Variants in FHL1 observed in about 807,000 individuals in gnomAD.
FHL1 encodes the protein four and a half LIM domains 1.
In FHL1, 1 loss-of-function variant was observed where a neutral mutation model predicts 20.3. The observed-to-expected ratio is 0.05, with a 90% CI of 0.02 to 0.23. The LOEUF (loss-of-function observed/expected upper bound fraction) is 0.23. Ranked by LOEUF, FHL1 falls within the 10% of genes least tolerant of loss-of-function variation. The pLI is 1.00. For missense variants in FHL1, 177 were observed against 234.0 expected (o/e 0.76, Z 1.59); for synonymous variants, 82 against 88.9 (o/e 0.92, Z 0.44).
intron 1 of FHL1, among the ~76,000 whole-genome samples, chrX:136,202,194 G>A (rs1052467331): frequency 2.7e-5 from 3 of 110,344 alleles, no homozygotes; most frequent in Non-Finnish European, 5.7e-5. Flanking sequence ...GCGAAACCCC[G>A]TCTCTACTAA....
chrX:136,152,677 G>A (rs750569137), intron 1 of FHL1, among the ~76,000 whole-genome samples: 5 of 89,931 alleles, frequency 5.6e-5, no homozygotes, highest in Non-Finnish European at 8.3e-5. Flanking sequence ...CCGAGATAGC[G>A]CCACTGTATT....
intron 1 of FHL1, among the ~76,000 whole-genome samples, chrX:136,148,974 C>G (rs891130283): frequency 4.5e-5 from 5 of 112,299 alleles, no homozygotes; most frequent in Non-Finnish European, 9.4e-5. Flanking sequence ...TCGGGATTAT[C>G]CGAGCCCCCT....
Position 136,152,180 on chromosome X carries a change from C to T in FHL1, c.-101+4552C>T, listed in dbSNP as rs756464648. Among the ~76,000 whole-genome samples the T allele has an allele frequency of 5.4e-5, 6 of 111,813 alleles. No homozygotes were observed. In the East Asian group the frequency reaches 1.1e-3, roughly 21 times the overall value. On this transcript the variant is annotated intron_variant, in intron 1 of 7. Coordinates refer to the FHL1 transcript ENST00000394155. ...ACACCTACTAAAATTTCAGGAAGCA[C>T]GCAAATTAAATATATACTCATTGTC... is the stretch of plus-strand genomic sequence containing the variant.
chrX:136,193,414 T>G (rs920048246), upstream of FHL1, among the ~76,000 whole-genome samples: 1 of 112,007 alleles, frequency 8.9e-6, no homozygotes, highest in Non-Finnish European at 1.9e-5. Flanking sequence ...TAGGATTAGA[T>G]TGCAGTGTGA....
rs756168013 is a variant in FHL1 at position 136,210,664 on chromosome X, G to A, written c.*639G>A. 1.0e-4 allele frequency: 39 copies of A among 388,593 alleles called. No individual in the cohort carries two copies. Among genetic ancestry groups the A allele is most frequent in the Non-Finnish European group, 1.3e-4 (27 of 206,879 alleles). 32.0% of individuals were successfully genotyped at this position (388,593 alleles called of 1,213,427 possible). ...TTTCCCCGTGTGGCATGTTTTCTGA[G>A]CGTTCCTACTTTAAAGCATGGAACA... On this transcript the variant is annotated 3_prime_UTR_variant, in exon 6 of 6. Transcript: ENST00000370683.
At chrX:136,196,363 A>G (rs991510469), upstream of FHL1, among the ~76,000 whole-genome samples, 1 of 111,894 alleles carries the variant, frequency 8.9e-6, no homozygotes, top group African/African-American at 3.3e-5. Flanking sequence ...ATTTTCATTC[A>G]TGTTTTTCCT....
intron 3 of FHL1, 158 bp downstream of exon 3, chrX:136,207,348 CAT>C: frequency 2.0e-6 from 1 of 499,151 alleles, no homozygotes; most frequent in Non-Finnish European, 3.3e-6. Context: ...TATGCGTACA[CAT>C]ATATGCTCGC....
intron 2 of FHL1, among the ~76,000 whole-genome samples, chrX:136,185,834 A>G (rs1480263362): frequency 8.9e-6 from 1 of 111,967 alleles, no homozygotes; most frequent in Non-Finnish European, 1.9e-5. Context: ...TTGTTTTCCC[A>G]GAATGCAGTT....
upstream of FHL1, among the ~76,000 whole-genome samples, chrX:136,193,082 TA>T (rs57788194): frequency 0.39 from 37,391 of 95,281 alleles, 5,507 homozygotes; most frequent in East Asian, 0.44. Flanking sequence ...AAGAGTCATG[TA>T]AAAAAAAAAA....
chrX:136,148,084 C>T (rs1204311137), intron 1 of FHL1: 1 of 100,586 alleles, frequency 9.9e-6, no homozygotes, highest in Non-Finnish European at 2.0e-5. Context: ...GGTGGGGACA[C>T]CTCTTGGTTC....
At position 136,208,111 on chromosome X, in the gene FHL1, G is replaced by A. The variant is rs190902694; in HGVS notation, c.549+150G>A. 17 of 773,040 alleles carry A rather than the reference G, an allele frequency of 2.2e-5. No individual in the cohort carries two copies. The Admixed American group carries it at 3.9e-4, about 18-fold the overall frequency. 63.7% of individuals were successfully genotyped at this position (773,040 alleles called of 1,213,427 possible). On this transcript the variant is annotated intron_variant, in intron 4 of 5. Coordinates refer to ENST00000370683, the MANE Select transcript of FHL1 (RefSeq NM_001159699.2). ...TTCCCGTTTTACAGATGAGGAGATC[G>A]TGGATTAGGAAGCAGTGCCACAGCC...
chrX:136,203,110 AC>A (rs1207061093), intron 1 of FHL1, among the ~76,000 whole-genome samples: 1 of 112,772 alleles, frequency 8.9e-6, no homozygotes, highest in Non-Finnish European at 1.9e-5. Flanking sequence ...CAAAACAAAT[AC>A]GAAAGTTCAT....
At position 136,157,012 on chromosome X, in the gene FHL1, CACACAT is replaced by C. The variant is rs1437690427; in HGVS notation, c.-101+9386_-101+9391del. Among the ~76,000 whole-genome samples the C allele has an allele frequency of 9.1e-5, 8 of 88,302 alleles. 1 individual carries two copies. The South Asian group carries it at 2.6e-3, about 29-fold the overall frequency. The allele number at this position is 88,302 out of a possible 115,157, so 76.7% of individuals were successfully genotyped here. A position where few individuals can be genotyped will look rare whatever the true frequency, so the allele number is the denominator to read the frequency against. On this transcript the variant is annotated intron_variant, in intron 1 of 7. Coordinates refer to the FHL1 transcript ENST00000394155. ...ACACACACACACACACACACACACA[CACACAT>C]AGGCAGACCTGCAAATTATCGGTCC...
rs773158958 is a variant in FHL1 at position 136,210,684 on chromosome X, G to A, written c.*659G>A. On this transcript the variant is annotated 3_prime_UTR_variant, in exon 6 of 6. Coordinates refer to ENST00000370683, the MANE Select transcript of FHL1 (RefSeq NM_001159699.2). The stretch of plus-strand genomic sequence containing the variant: ...TCTGAGCGTTCCTACTTTAAAGCAT[G>A]GAACATGCAGGTGATTTGGGAAGTG... The A allele has an allele frequency of 5.2e-5, 20 of 388,256 alleles. No individual in the cohort carries two copies. Among genetic ancestry groups the A allele is most frequent in the African/African-American group, 3.7e-4 (15 of 40,812 alleles). 32.0% of individuals were successfully genotyped at this position (388,256 alleles called of 1,213,427 possible). A position where few individuals can be genotyped will look rare whatever the true frequency, so the allele number is the denominator to read the frequency against.
At chrX:136,168,677 G>A (rs1297370463), upstream of FHL1, among the ~76,000 whole-genome samples, 1 of 111,644 alleles carries the variant, frequency 9.0e-6, no homozygotes, top group Non-Finnish European at 1.9e-5. Flanking sequence ...TTTGAGTTGG[G>A]AAGCATTATC....
intron 2 of FHL1, among the ~76,000 whole-genome samples, chrX:136,187,151 A>T (rs188081798): frequency 0.025 from 2,134 of 83,876 alleles, 42 homozygotes; most frequent in African/African-American, 0.078. Context: ...TTAAAAGAGG[A>T]AAAAGAAAAA....
rs757768759 is a variant in FHL1, at chrX:136,163,773, T to C, written c.-100-6134T>C. On this transcript the variant is annotated intron_variant, in intron 1 of 7. Coordinates refer to the FHL1 transcript ENST00000394155. ...TTTTGTTGCTTTGATTTAGGAGTTA[T>C]AATGCGGAGGTGACCCACAGCAAGT... Among the ~76,000 whole-genome samples, 64 of 111,515 alleles carry C rather than the reference T, an allele frequency of 5.7e-4. 1 individual carries two copies. The highest frequency in any genetic ancestry group is 2.1e-3 in the African/African-American group (64 of 30,688).
intron 1 of FHL1, among the ~76,000 whole-genome samples, chrX:136,156,986 T>TACACAC (rs74780878): frequency 9.8e-6 from 1 of 102,086 alleles, no homozygotes; most frequent in East Asian, 3.1e-4. Flanking sequence ...GACTAAGGAA[T>TACACAC]ACACACACAC....
chrX:136,153,842 C>T (rs1437825968), intron 1 of FHL1, among the ~76,000 whole-genome samples: 2 of 110,834 alleles, frequency 1.8e-5, no homozygotes, highest in African/African-American at 6.6e-5. Flanking sequence ...TTTTAAATGA[C>T]TAGATTTTCT....
Sources: gnomAD v4.1 joint callset for allele counts (sites outside exome capture counted in the v4.1 genomes callset) on GRCh38, gnomAD v4.1.1 for gene constraint, MANE v1.5 for transcripts, NCBI Gene and HGNC (gene_info 2026-07-23, HGNC 2026-07-21) for gene names.